Variants in ABLIM1 observed in about 807,000 individuals in gnomAD.
ABLIM1 encodes the protein actin-binding LIM protein 1.
In ABLIM1, 40 loss-of-function variants were observed where a neutral mutation model predicts 107.0. That is an observed-to-expected ratio of 0.37 (90% CI 0.29 to 0.49). ABLIM1 has a LOEUF of 0.49. ABLIM1 is among the 20% of genes least tolerant of loss of function. The pLI, the probability that ABLIM1 is intolerant of heterozygous loss-of-function variation, is 0.97. For missense variants in ABLIM1, 857 were observed against 1,008.5 expected (o/e 0.85, Z 2.04); for synonymous variants, 357 against 357.3 (o/e 1.00, Z 0.01).
chr10:114,457,491 A>G (rs968199227), intron 12 of ABLIM1, among the ~76,000 whole-genome samples: 11 of 152,044 alleles, frequency 7.2e-5, no homozygotes, highest in Non-Finnish European at 1.2e-4. Context: ...GCTGATCTCA[A>G]ACTCCTGACC....
At chr10:114,506,688 G>C (rs1340794944) in intron 6 of ABLIM1, among the ~76,000 whole-genome samples, 1 of 152,094 alleles carries the variant, frequency 6.6e-6, no homozygotes, top group Admixed American at 6.5e-5. Context: ...GTTTTAAATA[G>C]GGTTATTTAT....
chr10:114,555,375 C>T (rs545119945), intron 4 of ABLIM1, among the ~76,000 whole-genome samples: 3 of 152,262 alleles, frequency 2.0e-5, no homozygotes, highest in Non-Finnish European at 1.5e-5. Flanking sequence ...GGAGTGGGCC[C>T]GGGCTTTGCC....
chr10:114,625,167 T>C (rs964316192), intron 1 of ABLIM1, among the ~76,000 whole-genome samples: 1 of 152,084 alleles, frequency 6.6e-6, no homozygotes, highest in African/African-American at 2.4e-5. Context: ...CAAGGGCAGG[T>C]AGGGGTGAGG....
intron 1 of ABLIM1, among the ~76,000 whole-genome samples, chr10:114,623,318 C>G (rs1466741202): frequency 6.6e-6 from 1 of 152,194 alleles, no homozygotes; most frequent in Non-Finnish European, 1.5e-5. Context: ...GAAAAAGTAA[C>G]TTAAACTTCC....
intron 6 of ABLIM1, among the ~76,000 whole-genome samples, chr10:114,494,924 T>TA (rs1177164201): frequency 5.3e-5 from 8 of 152,342 alleles, no homozygotes; most frequent in Non-Finnish European, 1.0e-4. Context: ...GAACCTAGTA[T>TA]ATTGCCTGGC....
the ABLIM1 span, among the ~76,000 whole-genome samples, chr10:114,781,441 T>C: frequency 1.3e-5 from 2 of 151,588 alleles, no homozygotes; most frequent in Admixed American, 1.3e-4. Flanking sequence ...GAGGTGGAGG[T>C]TGCAGTGAGC....
At chr10:114,493,051 T>G (rs2059215431) in intron 6 of ABLIM1, among the ~76,000 whole-genome samples, 3 of 152,228 alleles carry the variant, frequency 2.0e-5, no homozygotes, top group African/African-American at 7.2e-5. Context: ...CACATGCTAC[T>G]TTTTATTTAT....
intron 8 of ABLIM1, among the ~76,000 whole-genome samples, chr10:114,484,061 C>A (rs572895613): frequency 6.6e-6 from 1 of 152,296 alleles, no homozygotes; most frequent in South Asian, 2.1e-4. Flanking sequence ...CTGACAACAG[C>A]CTTAGCCAGT....
chr10:114,575,388 T>C, intron 3 of ABLIM1, 28 bp downstream of exon 3: 2 of 1,607,986 alleles, frequency 1.2e-6, no homozygotes, highest in African/African-American at 2.7e-5. Context: ...GAGGAAGGTG[T>C]AGGCTTTGGA....
intron 1 of ABLIM1, among the ~76,000 whole-genome samples, chr10:114,682,164 A>G (rs2080777308): frequency 6.6e-6 from 1 of 152,232 alleles, no homozygotes; most frequent in East Asian, 1.9e-4. Context: ...TTAATATAAA[A>G]TTAACGGCTG....
chr10:114,579,824 T>C (rs1203552472), intron 2 of ABLIM1, among the ~76,000 whole-genome samples: 1 of 152,212 alleles, frequency 6.6e-6, no homozygotes, highest in Non-Finnish European at 1.5e-5. Context: ...GTTCCTCATA[T>C]AAATAGAAGT....
At chr10:114,472,305 G>A (rs780571119) in intron 10 of ABLIM1, among the ~76,000 whole-genome samples, 1 of 151,920 alleles carries the variant, frequency 6.6e-6, no homozygotes, top group Non-Finnish European at 1.5e-5. Context: ...TGTCCAGGGT[G>A]GTCTTCAACT....
chr10:114,634,137 T>TC lies in ABLIM1; in HGVS notation c.244+23819_244+23820insG, dbSNP rs976150236. Among the ~76,000 whole-genome samples, 4 of 94,384 alleles carry TC rather than the reference T, an allele frequency of 4.2e-5. 1 individual carries two copies. Among genetic ancestry groups the TC allele is most frequent in the African/African-American group, 1.7e-4 (4 of 23,178 alleles). 61.9% of individuals were successfully genotyped at this position (94,384 alleles called of 152,430 possible). A position where few individuals can be genotyped will look rare whatever the true frequency, so the allele number is the denominator to read the frequency against. On this transcript the variant is annotated intron_variant, in intron 1 of 22. Transcript: ENST00000533213. ...CCATTAGCTCAATTTTTCTTTTTTT[T>TC]TTTTTTTTTTTTTGAGACGGAGTCT...
intron 1 of ABLIM1, among the ~76,000 whole-genome samples, chr10:114,646,251 C>G (rs1401425857): frequency 6.6e-6 from 1 of 152,134 alleles, no homozygotes; most frequent in Non-Finnish European, 1.5e-5. Context: ...TGAGCATTTA[C>G]CAATATGCTT....
intron 1 of ABLIM1, among the ~76,000 whole-genome samples, chr10:114,670,586 C>T (rs561717776): frequency 6.6e-6 from 1 of 152,258 alleles, no homozygotes; most frequent in South Asian, 2.1e-4. Context: ...CTCCGACTCC[C>T]GGCTCAAGAA....
chr10:114,648,133 A>G (rs1341563973), intron 1 of ABLIM1, among the ~76,000 whole-genome samples: 3 of 152,208 alleles, frequency 2.0e-5, no homozygotes, highest in Non-Finnish European at 2.9e-5. Context: ...GTTTCTCAAA[A>G]AGTTAAACAG....
At chr10:114,742,026 T>A (rs1180115764) in intron 1 of ABLIM1, among the ~76,000 whole-genome samples, 1 of 152,216 alleles carries the variant, frequency 6.6e-6, no homozygotes, top group Non-Finnish European at 1.5e-5. Flanking sequence ...TACCTTTTTG[T>A]CAATTACATG....
intron 1 of ABLIM1, among the ~76,000 whole-genome samples, chr10:114,630,516 A>G (rs1272518475): frequency 6.6e-6 from 1 of 152,210 alleles, no homozygotes; most frequent in Non-Finnish European, 1.5e-5. Flanking sequence ...ATAGGAGCAG[A>G]GTGAATAGAG....
intron 6 of ABLIM1, among the ~76,000 whole-genome samples, chr10:114,492,573 G>A (rs2059148695): frequency 6.6e-6 from 1 of 152,118 alleles, no homozygotes; most frequent in Non-Finnish European, 1.5e-5. Flanking sequence ...CTGGATACAG[G>A]GACAATTTTC....
Sources: allele counts gnomAD v4.1 joint callset (sites outside exome capture counted in the v4.1 genomes callset), GRCh38; gene constraint gnomAD v4.1.1; transcripts MANE v1.5; gene names NCBI Gene and HGNC (gene_info 2026-07-23, HGNC 2026-07-21).